The following SLC35F2 variants were observed in gnomAD, a reference collection of about 807,000 sequenced individuals.
SLC35F2 encodes solute carrier family 35 member F2, also known as queuine/queuosine transporter SLC35F2.
In SLC35F2, 25 loss-of-function variants were observed where a neutral mutation model predicts 38.1. That is an observed-to-expected ratio of 0.66 (90% CI 0.48 to 0.92). SLC35F2 has a LOEUF of 0.92. SLC35F2 is among the 40% of genes least tolerant of loss of function. The pLI, the probability that SLC35F2 is intolerant of heterozygous loss-of-function variation, is 0.00. For synonymous variants in SLC35F2, 173 were observed against 181.7 expected (o/e 0.95, Z 0.38); for missense variants, 409 against 452.9 (o/e 0.90, Z 0.88).
intron 3 of SLC35F2, 95 bp from the exon 4 acceptor site, chr11:107,806,971 A>T (rs896044226): frequency 5.2e-6 from 6 of 1,143,382 alleles, no homozygotes; most frequent in Non-Finnish European, 7.5e-6. Flanking sequence ...TTATAATAGG[A>T]GTCAGTATTT....
chr11:107,838,509 G>A (rs1302749746), intron 1 of SLC35F2, among the ~76,000 whole-genome samples: 3 of 151,684 alleles, frequency 2.0e-5, no homozygotes, highest in Admixed American at 6.6e-5. Context: ...ATTTTTCGTA[G>A]AGATGGGGTT....
intron 5 of SLC35F2, 151 bp from the exon 6 acceptor site, chr11:107,804,921 A>G (rs1859369745): frequency 6.0e-6 from 7 of 1,170,610 alleles, no homozygotes; most frequent in Non-Finnish European, 8.2e-6. Context: ...TTTAATAAAA[A>G]TGACAAAGAA....
At chr11:107,833,497 C>T (rs1383898386) in intron 1 of SLC35F2, among the ~76,000 whole-genome samples, 1 of 129,376 alleles carries the variant, frequency 7.7e-6, no homozygotes, top group Non-Finnish European at 1.6e-5. Context: ...CCAGCCTGGG[C>T]ATCAGAGTGA....
intron 1 of SLC35F2, among the ~76,000 whole-genome samples, chr11:107,829,770 A>G (rs1859807927): frequency 6.6e-6 from 1 of 151,598 alleles, no homozygotes; most frequent in South Asian, 2.1e-4. Context: ...CTTCAGTAGA[A>G]AAAAATATAT....
chr11:107,800,311 C>CA (rs35818813), intron 7 of SLC35F2, among the ~76,000 whole-genome samples: 22,819 of 151,928 alleles, frequency 0.15, 2,764 homozygotes, highest in East Asian at 0.42. Context: ...CCTTGCAAAC[C>CA]AAAGGTTTAC....
intron 1 of SLC35F2, among the ~76,000 whole-genome samples, chr11:107,844,052 C>T (rs1231608957): frequency 1.3e-5 from 2 of 151,716 alleles, no homozygotes; most frequent in Non-Finnish European, 2.9e-5. Context: ...ACTTTATATA[C>T]TCTTTGCCAT....
At chr11:107,822,873 G>A (rs1207268067) in intron 1 of SLC35F2, among the ~76,000 whole-genome samples, 3 of 152,158 alleles carry the variant, frequency 2.0e-5, no homozygotes, top group South Asian at 4.1e-4. Context: ...GGTATTTTAG[G>A]AAGATTGAGG....
Position 107,809,980 on chromosome 11 carries a change from T to G in SLC35F2, c.414+1687A>C, listed in dbSNP as rs564119052. Reference sequence around the variant, plus strand: ...ATGAGCAGCAACCTGGGCCACATCATCATCTTCACGTGAACTATCCCATGA... The same window carrying G: ...ATGAGCAGCAACCTGGGCCACATCAGCATCTTCACGTGAACTATCCCATGA... On this transcript the variant is annotated intron_variant, in intron 3 of 7. Transcript: ENST00000525815. The G allele has an allele frequency of 4.1e-6, 4 of 985,250 alleles. No individual in the cohort carries two copies. The African/African-American group carries it at 7.0e-5, about 17-fold the overall frequency. 61.0% of individuals were successfully genotyped at this position (985,250 alleles called of 1,614,324 possible).
At chr11:107,837,634 C>A (rs372384736) in intron 1 of SLC35F2, among the ~76,000 whole-genome samples, 293 of 152,052 alleles carry the variant, frequency 1.9e-3, no homozygotes, top group African/African-American at 6.5e-3. Flanking sequence ...GCAGAGGTAG[C>A]AGTGAGCTGG....
chr11:107,792,452 A>C lies in SLC35F2; in HGVS notation c.*163T>G. On this transcript the variant is annotated 3_prime_UTR_variant, in exon 8 of 8. Transcript: ENST00000525815. ...GTTTCTGCTCTATTTTGGTATTTCT[A>C]CTTTTGAACTTTGTTCAGTGTTCCT... is the stretch of plus-strand genomic sequence containing the variant. 1 of 749,994 alleles carries C rather than the reference A, an allele frequency of 1.3e-6. No individual in the cohort carries two copies. Among genetic ancestry groups the C allele is most frequent in the Non-Finnish European group, 2.0e-6 (1 of 493,638 alleles). 46.5% of individuals were successfully genotyped at this position (749,994 alleles called of 1,614,324 possible).
At chr11:107,808,364 G>A (rs1373920977) in intron 3 of SLC35F2, among the ~76,000 whole-genome samples, 1 of 148,828 alleles carries the variant, frequency 6.7e-6, no homozygotes, top group East Asian at 1.9e-4. Flanking sequence ...ATAAAAAAGA[G>A]AGTGCACTCA....
chr11:107,844,198 G>T (rs567931409), intron 1 of SLC35F2, among the ~76,000 whole-genome samples: 2 of 152,096 alleles, frequency 1.3e-5, no homozygotes, highest in Non-Finnish European at 2.9e-5. Context: ...GACTGCCTGA[G>T]GGGGAAGCCT....
At chr11:107,834,816 T>C (rs1365293749) in intron 1 of SLC35F2, among the ~76,000 whole-genome samples, 1 of 152,224 alleles carries the variant, frequency 6.6e-6, no homozygotes, top group Non-Finnish European at 1.5e-5. Context: ...ATACATTTTA[T>C]AATACATAAC....
chr11:107,846,885 ATGCCACTGCAC>A (rs1381308511), intron 1 of SLC35F2, among the ~76,000 whole-genome samples: 2 of 150,324 alleles, frequency 1.3e-5, no homozygotes, highest in Non-Finnish European at 2.9e-5. Context: ...AGCCAAGATC[ATGCCACTGCAC>A]TCCAGCCTGA....
At position 107,832,841 on chromosome 11, in the gene SLC35F2, A is replaced by C. The variant is rs115742243; in HGVS notation, c.111-16876T>G. 5.8e-3 allele frequency among the ~76,000 whole-genome samples: 887 copies of C among 152,278 alleles called. 8 individuals carry two copies. The highest frequency in any genetic ancestry group is 0.02 in the African/African-American group (841 of 41,552). On this transcript the variant is annotated intron_variant, in intron 1 of 7. Transcript: ENST00000525815. ...CAAACAAAATCTACATTCTGTCAGG[A>C]AAGTACAGGGACTAGAAGAAAATAT...
rs542002284 is a variant in SLC35F2 at position 107,847,796 on chromosome 11, G to A, written c.110+10862C>T. ...CCAGGAGGGAACTACAGGTGCAAAGGCGCAGGTATGGTGTGCACAAGGGAA... is the reference window on the plus strand; with the variant it reads ...CCAGGAGGGAACTACAGGTGCAAAGACGCAGGTATGGTGTGCACAAGGGAA... On this transcript the variant is annotated intron_variant, in intron 1 of 7. Coordinates refer to ENST00000525815, the MANE Select transcript of SLC35F2 (RefSeq NM_017515.5). 2.0e-5 allele frequency among the ~76,000 whole-genome samples: 3 copies of A among 152,258 alleles called. No individual in the cohort carries two copies. The South Asian group carries it at 6.2e-4, about 32-fold the overall frequency.
intron 1 of SLC35F2, among the ~76,000 whole-genome samples, chr11:107,857,747 T>C (rs1028537295): frequency 2.0e-5 from 3 of 152,198 alleles, no homozygotes; most frequent in African/African-American, 7.2e-5. Flanking sequence ...CAACGCTGTT[T>C]AGACTACGGC....
At chr11:107,833,207 A>G (rs1431428041) in intron 1 of SLC35F2, among the ~76,000 whole-genome samples, 1 of 152,160 alleles carries the variant, frequency 6.6e-6, no homozygotes, top group African/African-American at 2.4e-5. Context: ...GTGTGGTTGC[A>G]GATGAAGAAA....
intron 1 of SLC35F2, among the ~76,000 whole-genome samples, chr11:107,830,813 A>G (rs1479133702): frequency 6.6e-6 from 1 of 152,136 alleles, no homozygotes; most frequent in Admixed American, 6.6e-5. Flanking sequence ...CTGATTAGTT[A>G]AAAGAGAGAG....
Sources: allele counts gnomAD v4.1 joint callset (sites outside exome capture counted in the v4.1 genomes callset), GRCh38; gene constraint gnomAD v4.1.1; transcripts MANE v1.5; gene names NCBI Gene and HGNC (gene_info 2026-07-23, HGNC 2026-07-21).